The following GPR26 variants were observed in gnomAD, a reference collection of about 807,000 sequenced individuals.
The protein encoded by GPR26 is G protein-coupled receptor 26.
Under a neutral mutation model 23.1 loss-of-function variants are expected in GPR26, and 15 were observed. That is an observed-to-expected ratio of 0.65 (90% CI 0.43 to 1.00). The LOEUF is 1.00. GPR26 is among the 50% of genes least tolerant of loss of function. The pLI is 0.00. For missense variants in GPR26, 359 were observed against 470.5 expected (o/e 0.76, Z 2.19); for synonymous variants, 228 against 222.1 (o/e 1.03, Z -0.24).
intron 2 of GPR26, 45 bp from the exon 3 acceptor site, chr10:123,687,884 G>A: frequency 2.2e-6 from 3 of 1,376,752 alleles, no homozygotes; most frequent in Non-Finnish European, 3.1e-6. Flanking sequence ...ACTCCCAGCG[G>A]TGCTTAGCTA....
In GPR26 at chr10:123,682,395, AGGCCACAGT is replaced by A. The variant is rs1267816671; in HGVS notation, c.783-5531_783-5523del. Among the ~76,000 whole-genome samples the A allele has an allele frequency of 3.9e-5, 6 of 152,304 alleles. No individual in the cohort carries two copies. In the East Asian group the frequency reaches 1.2e-3, roughly 29 times the overall value. On this transcript the variant is annotated intron_variant, in intron 2 of 2. Transcript: ENST00000284674. Reference sequence around the variant, plus strand: ...CTGCACTTGTGTACTGGGGCACACGAGGCCACAGTGGGAAACATATTTGCAAAGCTGCAC... The same window carrying A: ...CTGCACTTGTGTACTGGGGCACACGAGGGAAACATATTTGCAAAGCTGCAC...
chr10:123,670,335 C>T (rs1285321495), intron 1 of GPR26, among the ~76,000 whole-genome samples: 2 of 152,196 alleles, frequency 1.3e-5, no homozygotes, highest in Non-Finnish European at 2.9e-5. Flanking sequence ...AGAAGAGAAG[C>T]ACTCACCTAA....
In GPR26 at chr10:123,666,396, G is replaced by C. The variant is rs1037474761; in HGVS notation, c.-12G>C. 4 of 1,378,066 alleles carry C rather than the reference G, an allele frequency of 2.9e-6. No homozygotes were observed. Among genetic ancestry groups the C allele is most frequent in the Non-Finnish European group, 3.7e-6 (4 of 1,074,196 alleles). 85.4% of individuals were successfully genotyped at this position (1,378,066 alleles called of 1,614,324 possible). A position where few individuals can be genotyped will look rare whatever the true frequency, so the allele number is the denominator to read the frequency against. On this transcript the variant is annotated 5_prime_UTR_variant, in exon 1 of 3. Transcript: ENST00000284674. ...GGTTGCGGACCCTGAGCGCCGGCGC[G>C]GGGCGCGCACCATGAACTCGTGGGA...
intron 2 of GPR26, among the ~76,000 whole-genome samples, chr10:123,675,588 C>T (rs150732488): frequency 6.6e-6 from 1 of 152,276 alleles, no homozygotes; most frequent in African/African-American, 2.4e-5. Context: ...AACTGGAGCA[C>T]TCCCCACATG....
At chr10:123,687,867 C>T in intron 2 of GPR26, 62 bp from the exon 3 acceptor site, 3 of 1,182,080 alleles carry the variant, frequency 2.5e-6, no homozygotes, top group Non-Finnish European at 3.8e-6. Flanking sequence ...GGCCCTGGCC[C>T]ATGGCCACTC....
Position 123,697,189 on chromosome 10 carries a change from T to C in GPR26, c.*9029T>C, listed in dbSNP as rs934097163. ...CTCCCAATACGGCAATATTACCTTC[T>C]GTGTAATCCACTTGCCAACAGCTGT... On this transcript the variant is annotated 3_prime_UTR_variant, in exon 3 of 3. Coordinates refer to ENST00000284674, the MANE Select transcript of GPR26 (RefSeq NM_153442.4). 2.6e-5 allele frequency among the ~76,000 whole-genome samples: 4 copies of C among 152,240 alleles called. No homozygotes were observed. The highest frequency in any genetic ancestry group is 9.6e-5 in the African/African-American group (4 of 41,470).
In GPR26 at chr10:123,694,387, TG is replaced by T; in HGVS notation, c.*6230del. On this transcript the variant is annotated 3_prime_UTR_variant, in exon 3 of 3. Transcript: ENST00000284674. ...AGGGGAGGGCAAGTGCCCCTTGAGA[TG>T]GGCTGAACGTGATGATGATCTGTGG... The T allele has an allele frequency of 6.5e-6, 1 of 152,708 alleles. No homozygotes were observed. Among genetic ancestry groups the T allele is most frequent in the Non-Finnish European group, 1.5e-5 (1 of 68,260 alleles). The allele number at this position is 152,708 out of a possible 1,614,324, so 9.5% of individuals were successfully genotyped here.
At chr10:123,676,380 C>CATTCTATG (rs1845311016) in intron 2 of GPR26, among the ~76,000 whole-genome samples, 1 of 152,180 alleles carries the variant, frequency 6.6e-6, no homozygotes, top group Non-Finnish European at 1.5e-5. Context: ...GCACCACCGA[C>CATTCTATG]ATTCTATGCC....
chr10:123,679,466 C>A (rs923297012), intron 2 of GPR26, among the ~76,000 whole-genome samples: 1 of 152,200 alleles, frequency 6.6e-6, no homozygotes, highest in Admixed American at 6.5e-5. Context: ...GGACCTCACA[C>A]TGAACCAGTT....
At chr10:123,676,644 AG>A (rs578009566) in intron 2 of GPR26, among the ~76,000 whole-genome samples, 81 of 152,340 alleles carry the variant, frequency 5.3e-4, no homozygotes, top group East Asian at 2.3e-3. Context: ...TACATCATTC[AG>A]GGTTTTCCAC....
chr10:123,678,685 C>A (rs1379264888), intron 2 of GPR26, among the ~76,000 whole-genome samples: 1 of 152,202 alleles, frequency 6.6e-6, no homozygotes, highest in Non-Finnish European at 1.5e-5. Flanking sequence ...GCTGGGCGCC[C>A]CCCTCCAGGC....
intron 2 of GPR26, among the ~76,000 whole-genome samples, chr10:123,675,508 A>G (rs1845294207): frequency 6.6e-6 from 1 of 152,124 alleles, no homozygotes; most frequent in Non-Finnish European, 1.5e-5. Context: ...CCAGATCTCC[A>G]GATCCTCGAG....
chr10:123,687,998 C>G lies in GPR26; in HGVS notation c.852C>G (p.Tyr284Ter). The G allele has an allele frequency of 6.2e-7, 1 of 1,614,026 alleles. No homozygotes were observed. Among genetic ancestry groups the G allele is most frequent in the Non-Finnish European group, 8.5e-7 (1 of 1,179,972 alleles). ...GGGTGCTGTCCAAGTGCTTGGCGTA[C>G]AGCAAGGCCGCATCCGACCCCTTTG... The part of the protein sequence containing the change: ...HWGVLSKCLA[Y>*]SKAASDPFVY... Residue 284 changes from tyrosine (Y) to a stop codon, truncating the protein, a stop_gained, in exon 3 of 3, where the codon TAC becomes TAG. Coordinates refer to ENST00000284674, the MANE Select transcript of GPR26 (RefSeq NM_153442.4). LOFTEE classifies it high-confidence loss of function.
chr10:123,690,867 C>T lies in GPR26; in HGVS notation c.*2707C>T, dbSNP rs1845484615. 6.6e-6 allele frequency: 1 copy of T among 152,202 alleles called. No individual in the cohort carries two copies. Among genetic ancestry groups the T allele is most frequent in the South Asian group, 2.1e-4 (1 of 4,828 alleles). 9.4% of individuals were successfully genotyped at this position (152,202 alleles called of 1,614,324 possible). On this transcript the variant is annotated 3_prime_UTR_variant, in exon 3 of 3. Coordinates refer to ENST00000284674, the MANE Select transcript of GPR26 (RefSeq NM_153442.4). Reference sequence around the variant, plus strand: ...TAACATTGTTTTCTCAGGTATAACACATAGAAACACCAAGATTTTCAGCAT... The same window carrying T: ...TAACATTGTTTTCTCAGGTATAACATATAGAAACACCAAGATTTTCAGCAT...
rs1357989369 is a variant in GPR26 at position 123,667,099 on chromosome 10, C to T, written c.668+24C>T. ...AGGTGAGCCGAGCGCAGCTAAGGCT[C>T]TGGGAACAGCCGCGCGGGATCTCGG... On this transcript the variant is annotated intron_variant, in intron 1 of 2. Transcript: ENST00000284674. 1.7e-5 allele frequency: 26 copies of T among 1,530,058 alleles called. No homozygotes were observed. The East Asian group carries it at 6.3e-4, about 37-fold the overall frequency. 94.8% of individuals were successfully genotyped at this position (1,530,058 alleles called of 1,614,324 possible).
rs909672468 is a variant in GPR26 at position 123,692,282 on chromosome 10, C to G, written c.*4122C>G. The G allele has an allele frequency of 1.3e-5, 2 of 152,312 alleles. No homozygotes were observed. Among genetic ancestry groups the G allele is most frequent in the African/African-American group, 2.4e-5 (1 of 41,462 alleles). 9.4% of individuals were successfully genotyped at this position (152,312 alleles called of 1,614,324 possible). Reference sequence around the variant, plus strand: ...TTGGATCAAACTCTACTGGGGCAGCCTGGCTGTGGGAGGTGATGACATCTG... The same window carrying G: ...TTGGATCAAACTCTACTGGGGCAGCGTGGCTGTGGGAGGTGATGACATCTG... On this transcript the variant is annotated 3_prime_UTR_variant, in exon 3 of 3. Transcript: ENST00000284674.
chr10:123,684,311 C>G (rs990427278), intron 2 of GPR26, among the ~76,000 whole-genome samples: 7 of 152,054 alleles, frequency 4.6e-5, no homozygotes, highest in Non-Finnish European at 1.0e-4. Context: ...TGTCAGATCT[C>G]CAGGGTTGAC....
At chr10:123,679,556 T>C (rs1845345683) in intron 2 of GPR26, among the ~76,000 whole-genome samples, 1 of 152,208 alleles carries the variant, frequency 6.6e-6, no homozygotes, top group Admixed American at 6.5e-5. Context: ...AGTGTGCTGA[T>C]AGCCATGTCT....
In GPR26 at chr10:123,695,401, GA is replaced by G. The variant is rs1845532984; in HGVS notation, c.*7243del. Among the ~76,000 whole-genome samples the G allele has an allele frequency of 6.6e-6, 1 of 152,148 alleles. No individual in the cohort carries two copies. Among genetic ancestry groups the G allele is most frequent in the Admixed American group, 6.5e-5 (1 of 15,284 alleles). On this transcript the variant is annotated 3_prime_UTR_variant, in exon 3 of 3. Coordinates refer to ENST00000284674, the MANE Select transcript of GPR26 (RefSeq NM_153442.4). The stretch of plus-strand genomic sequence containing the variant: ...GAAGAATTGTTGCACATCTTTAATA[GA>G]AGCCAAAGCCCATGATTTGATGGTT...
Sources: gnomAD v4.1 joint callset for allele counts (sites outside exome capture counted in the v4.1 genomes callset) on GRCh38, gnomAD v4.1.1 for gene constraint, MANE v1.5 for transcripts, NCBI Gene and HGNC (gene_info 2026-07-23, HGNC 2026-07-21) for gene names.